Variants in ATRNL1 observed in about 807,000 individuals in gnomAD.
The protein encoded by ATRNL1 is attractin-like protein 1.
A neutral mutation model predicts 182.7 loss-of-function variants in ATRNL1; 95 were observed. The ratio of observed to expected loss-of-function variants is 0.52; its 90% CI spans 0.44 to 0.62. The LOEUF is 0.62. Among genes scored for constraint, ATRNL1 ranks in the 20% least tolerant of loss-of-function variants. ATRNL1 has a pLI of 0.00. For synonymous variants in ATRNL1, 576 were observed against 568.3 expected (o/e 1.01, Z -0.19); for missense variants, 1,471 against 1,679.5 (o/e 0.88, Z 2.17).
At chr10:115,249,063 C>T (rs1426782668) in intron 10 of ATRNL1, among the ~76,000 whole-genome samples, 2 of 152,000 alleles carry the variant, frequency 1.3e-5, no homozygotes, top group African/African-American at 4.8e-5. Context: ...CTCACTGCAA[C>T]TTCTGCCTCC....
chr10:115,616,698 G>A (rs567295533), intron 26 of ATRNL1, among the ~76,000 whole-genome samples: 35 of 152,328 alleles, frequency 2.3e-4, no homozygotes, highest in African/African-American at 7.0e-4. Flanking sequence ...CAAAAGGACC[G>A]AGGTACAGCT....
chr10:115,407,149 T>C (rs1340669174), intron 20 of ATRNL1, among the ~76,000 whole-genome samples: 1 of 152,186 alleles, frequency 6.6e-6, no homozygotes, highest in Non-Finnish European at 1.5e-5. Context: ...ATATTTATGG[T>C]GTTCATAATG....
At chr10:115,487,166 T>C (rs1554975362) in intron 24 of ATRNL1, among the ~76,000 whole-genome samples, 1 of 152,148 alleles carries the variant, frequency 6.6e-6, no homozygotes, top group East Asian at 1.9e-4. Flanking sequence ...TGAAGTCAGG[T>C]TACGTGATGC....
chr10:115,559,182 C>T (rs572273103), intron 26 of ATRNL1, among the ~76,000 whole-genome samples: 1 of 152,278 alleles, frequency 6.6e-6, no homozygotes, highest in East Asian at 1.9e-4. Context: ...GGCCACTGTC[C>T]CCATCATTAG....
chr10:115,512,682 T>C (rs1850447714), intron 24 of ATRNL1, among the ~76,000 whole-genome samples: 1 of 151,938 alleles, frequency 6.6e-6, no homozygotes, highest in African/African-American at 2.4e-5. Flanking sequence ...GCTTACATTT[T>C]AGTGGGGAAA....
intron 26 of ATRNL1, among the ~76,000 whole-genome samples, chr10:115,637,951 A>G (rs1256486591): frequency 1.3e-5 from 2 of 152,104 alleles, no homozygotes; most frequent in Non-Finnish European, 2.9e-5. Context: ...ACAGAAAAAT[A>G]TGTTTATAAA....
At chr10:115,386,142 G>T (rs1334381375) in intron 19 of ATRNL1, among the ~76,000 whole-genome samples, 1 of 151,966 alleles carries the variant, frequency 6.6e-6, no homozygotes, top group African/African-American at 2.4e-5. Context: ...TATAAATTTT[G>T]GGAGAAATGA....
At chr10:115,778,997 GATA>G (rs1949197376) in intron 27 of ATRNL1, among the ~76,000 whole-genome samples, 1 of 152,138 alleles carries the variant, frequency 6.6e-6, no homozygotes, top group African/African-American at 2.4e-5. Context: ...GCCAATACAT[GATA>G]ATAATAAAAA....
chr10:115,206,106 A>G (rs1033630135), intron 8 of ATRNL1, among the ~76,000 whole-genome samples: 1 of 152,082 alleles, frequency 6.6e-6, no homozygotes. Flanking sequence ...ATCCCGAGTT[A>G]TAATTATTAG....
At chr10:115,344,444 C>T (rs1441997330) in intron 19 of ATRNL1, among the ~76,000 whole-genome samples, 2 of 152,094 alleles carry the variant, frequency 1.3e-5, no homozygotes, top group Non-Finnish European at 2.9e-5. Flanking sequence ...TGCCAGACTA[C>T]AGCTGATGAT....
At chr10:115,833,890 T>C (rs1357638793) in intron 27 of ATRNL1, among the ~76,000 whole-genome samples, 7 of 152,212 alleles carry the variant, frequency 4.6e-5, no homozygotes, top group African/African-American at 1.4e-4. Flanking sequence ...AGTTTAAAGG[T>C]CTGCCACATA....
intron 5 of ATRNL1, among the ~76,000 whole-genome samples, chr10:115,150,650 C>T (rs1450004966): frequency 6.6e-6 from 1 of 151,814 alleles, no homozygotes; most frequent in African/African-American, 2.4e-5. Context: ...TCCAAAGTTC[C>T]TCTTTTCATT....
At chr10:115,193,169 TC>T (rs1188820245) in intron 8 of ATRNL1, among the ~76,000 whole-genome samples, 1 of 152,084 alleles carries the variant, frequency 6.6e-6, no homozygotes, top group East Asian at 1.9e-4. Flanking sequence ...TTTCAGTTTT[TC>T]CCCATTTATT....
intron 26 of ATRNL1, among the ~76,000 whole-genome samples, chr10:115,723,231 G>T (rs557934646): frequency 4.2e-4 from 64 of 152,290 alleles, no homozygotes; most frequent in African/African-American, 1.5e-3. Context: ...TGAAGGTGGA[G>T]GAGAGAATAG....
At chr10:115,690,523 C>G (rs1946357131) in intron 26 of ATRNL1, among the ~76,000 whole-genome samples, 1 of 152,144 alleles carries the variant, frequency 6.6e-6, no homozygotes, top group Admixed American at 6.5e-5. Context: ...TCTAACAAGC[C>G]ACGGTCAGGT....
intron 26 of ATRNL1, among the ~76,000 whole-genome samples, chr10:115,613,691 A>T (rs954900859): frequency 1.3e-5 from 2 of 152,090 alleles, no homozygotes; most frequent in African/African-American, 4.8e-5. Flanking sequence ...TACTGGTTCA[A>T]TCCAGTTACT....
chr10:115,769,904 A>G (rs1948945872), intron 27 of ATRNL1, among the ~76,000 whole-genome samples: 1 of 152,090 alleles, frequency 6.6e-6, no homozygotes, highest in African/African-American at 2.4e-5. Flanking sequence ...TTCTTTGTAA[A>G]TATGCCTTTG....
At chr10:115,565,865 T>C (rs1320707745) in intron 26 of ATRNL1, among the ~76,000 whole-genome samples, 3 of 152,166 alleles carry the variant, frequency 2.0e-5, no homozygotes, top group Non-Finnish European at 4.4e-5. Flanking sequence ...GTTATTGCCA[T>C]AAAATAACAT....
intron 21 of ATRNL1, among the ~76,000 whole-genome samples, chr10:115,456,142 A>C (rs588666): frequency 0.1 from 15,330 of 152,102 alleles, 2,561 homozygotes; most frequent in African/African-American, 0.35. Flanking sequence ...TGGGTATATA[A>C]CCTCAAAAGT....
Sources: gnomAD v4.1 joint callset for allele counts (sites outside exome capture counted in the v4.1 genomes callset) on GRCh38, gnomAD v4.1.1 for gene constraint, MANE v1.5 for transcripts, NCBI Gene and HGNC (gene_info 2026-07-23, HGNC 2026-07-21) for gene names.